SLC4A10: variants seen among roughly 807,000 people sequenced by gnomAD.
SLC4A10 encodes the protein solute carrier family 4 member 10.
SLC4A10 carries 42 observed loss-of-function variants against 137.7 expected under a neutral mutation model. That is an observed-to-expected ratio of 0.30 (90% CI 0.24 to 0.39). The LOEUF (loss-of-function observed/expected upper bound fraction) is 0.39. Ranked by LOEUF, SLC4A10 falls within the 10% of genes least tolerant of loss-of-function variation. The pLI is 1.00. For missense variants in SLC4A10, 925 were observed against 1,355.0 expected (o/e 0.68, Z 4.98); for synonymous variants, 474 against 464.1 (o/e 1.02, Z -0.27).
At chr2:161,922,498 G>A (rs1344775230) in intron 15 of SLC4A10, among the ~76,000 whole-genome samples, 1 of 152,038 alleles carries the variant, frequency 6.6e-6, no homozygotes, top group Non-Finnish European at 1.5e-5. Context: ...AATAATCCAA[G>A]AATAAGTTAT....
chr2:161,756,633 A>C (rs1429923271), intron 1 of SLC4A10, among the ~76,000 whole-genome samples: 2 of 152,116 alleles, frequency 1.3e-5, no homozygotes, highest in African/African-American at 4.8e-5. Context: ...CTGGGAAGAG[A>C]GGAACATGGA....
chr2:161,678,587 C>T (rs565987668), intron 1 of SLC4A10, among the ~76,000 whole-genome samples: 33 of 152,060 alleles, frequency 2.2e-4, no homozygotes, highest in Non-Finnish European at 4.7e-4. Flanking sequence ...ACAACTTTTC[C>T]AATACCAGAG....
At chr2:161,764,815 A>G (rs1036930847) in intron 1 of SLC4A10, among the ~76,000 whole-genome samples, 1 of 152,046 alleles carries the variant, frequency 6.6e-6, no homozygotes, top group East Asian at 1.9e-4. Context: ...TTTTTTTGCT[A>G]TTGCTCTCTA....
intron 2 of SLC4A10, among the ~76,000 whole-genome samples, chr2:161,784,316 G>A (rs1022344476): frequency 6.6e-5 from 10 of 151,880 alleles, no homozygotes; most frequent in African/African-American, 2.4e-4. Flanking sequence ...CATTTTGAAT[G>A]ATGGGTAAAA....
chr2:161,935,950 G>A lies in SLC4A10; in HGVS notation c.1998-6842G>A, dbSNP rs938902467. ...TCACATGTGGTCTTTATTGTGTTGG[G>A]GTACATTCCTTCTATGTTTAATTTC... On this transcript the variant is annotated intron_variant, in intron 15 of 26. Transcript: ENST00000446997. Among the ~76,000 whole-genome samples, 5 of 152,078 alleles carry A rather than the reference G, an allele frequency of 3.3e-5. No individual in the cohort carries two copies. The East Asian group carries it at 9.7e-4, about 29-fold the overall frequency.
At chr2:161,702,806 T>C (rs2043261304) in intron 1 of SLC4A10, among the ~76,000 whole-genome samples, 1 of 151,850 alleles carries the variant, frequency 6.6e-6, no homozygotes, top group Non-Finnish European at 1.5e-5. Flanking sequence ...CCTAAGTATG[T>C]TCTCTATGGA....
At chr2:161,719,998 G>T (rs1287432749) in intron 1 of SLC4A10, among the ~76,000 whole-genome samples, 4 of 152,252 alleles carry the variant, frequency 2.6e-5, no homozygotes, top group African/African-American at 7.2e-5. Flanking sequence ...GTAATGCCTA[G>T]GTTTTCTTCT....
chr2:161,788,456 G>A (rs564585152), intron 2 of SLC4A10, among the ~76,000 whole-genome samples: 63 of 152,140 alleles, frequency 4.1e-4, no homozygotes, highest in Middle Eastern at 3.4e-3. Flanking sequence ...CCTAATTGAG[G>A]TTAGTGTGGG....
intron 3 of SLC4A10, among the ~76,000 whole-genome samples, chr2:161,808,334 A>G (rs1466091944): frequency 6.6e-6 from 1 of 151,776 alleles, no homozygotes; most frequent in Non-Finnish European, 1.5e-5. Context: ...TGTTTATTTT[A>G]GCTAATTCAT....
intron 1 of SLC4A10, among the ~76,000 whole-genome samples, chr2:161,767,805 G>A (rs2051084026): frequency 6.6e-6 from 1 of 152,038 alleles, no homozygotes; most frequent in African/African-American, 2.4e-5. Context: ...ACCATTGGAA[G>A]ATGATATCGC....
At position 161,957,121 on chromosome 2, in the gene SLC4A10, T is replaced by A. The variant is rs921995823; in HGVS notation, c.2674T>A (p.Ser892Thr). ...ITHVNSLKLE[S>T]ECSAPGEQPK... ...TCATGTCAATAGCCTAAAACTGGAA[T>A]CAGAATGCTCAGCTCCAGGAGAACA... The change falls in exon 20 of 27, where the codon TCA becomes ACA. Residue 892 changes from serine (S) to threonine (T), a missense_variant. Ser to Thr is a moderately conservative substitution (Grantham distance 58). Around this residue, in one of 11 missense-constraint regions of SLC4A10, gnomAD observed 115 missense variants for 237.5 expected, o/e 0.48. Transcript: ENST00000446997. The A allele has an allele frequency of 1.9e-6, 3 of 1,613,760 alleles. No individual in the cohort carries two copies. In the Admixed American group the frequency reaches 5.0e-5, roughly 27 times the overall value.
intron 2 of SLC4A10, among the ~76,000 whole-genome samples, chr2:161,800,692 A>G (rs980927384): frequency 6.6e-6 from 1 of 152,060 alleles, no homozygotes; most frequent in Non-Finnish European, 1.5e-5. Flanking sequence ...AAAGAGCTCA[A>G]ATGGTTGAGT....
At chr2:161,628,639 T>G (rs2105385863) in intron 1 of SLC4A10, among the ~76,000 whole-genome samples, 1 of 152,088 alleles carries the variant, frequency 6.6e-6, no homozygotes, top group South Asian at 2.1e-4. Flanking sequence ...TAATCTGAGT[T>G]TAAAGAAAAC....
At chr2:161,687,723 G>T (rs1464877230) in intron 1 of SLC4A10, among the ~76,000 whole-genome samples, 4 of 152,078 alleles carry the variant, frequency 2.6e-5, no homozygotes, top group African/African-American at 9.7e-5. Flanking sequence ...AAGTGAATCA[G>T]GGGGGCAATT....
chr2:161,936,519 A>G (rs1021615371), intron 15 of SLC4A10, among the ~76,000 whole-genome samples: 8 of 152,066 alleles, frequency 5.3e-5, no homozygotes, highest in Admixed American at 1.3e-4. Flanking sequence ...TTAGTAGGTT[A>G]TATGTGTCTA....
chr2:161,781,353 C>T (rs2052992071), intron 2 of SLC4A10, among the ~76,000 whole-genome samples: 1 of 152,016 alleles, frequency 6.6e-6, no homozygotes, highest in Non-Finnish European at 1.5e-5. Context: ...ATATCTTCCA[C>T]TTATGTCCTT....
At chr2:161,779,718 A>G (rs1231811179) in intron 2 of SLC4A10, among the ~76,000 whole-genome samples, 1 of 152,010 alleles carries the variant, frequency 6.6e-6, no homozygotes, top group African/African-American at 2.4e-5. Context: ...TATGCCAAGG[A>G]TATTAGCAAA....
At chr2:161,918,821 T>C (rs1286120868) in intron 15 of SLC4A10, among the ~76,000 whole-genome samples, 1 of 152,088 alleles carries the variant, frequency 6.6e-6, no homozygotes, top group East Asian at 1.9e-4. Flanking sequence ...GGAGCTGCAG[T>C]AGGGGAGCTG....
At chr2:161,833,181 G>T (rs2058549414) in intron 3 of SLC4A10, among the ~76,000 whole-genome samples, 1 of 152,194 alleles carries the variant, frequency 6.6e-6, no homozygotes, top group Admixed American at 6.5e-5. Context: ...AGTGAGGTGG[G>T]TCATGGAATG....
Sources: allele counts gnomAD v4.1 joint callset (sites outside exome capture counted in the v4.1 genomes callset), GRCh38; gene constraint gnomAD v4.1.1; regional missense constraint gnomAD v4.1.1; transcripts MANE v1.5; gene names NCBI Gene and HGNC (gene_info 2026-07-23, HGNC 2026-07-21).